MED27: variants seen among roughly 807,000 people sequenced by gnomAD.
MED27 encodes mediator of RNA polymerase II transcription subunit 27.
MED27 carries 30 observed loss-of-function variants against 38.2 expected under a neutral mutation model. The observed-to-expected ratio is 0.79, with a 90% CI of 0.59 to 1.07. The LOEUF is 1.07. Among genes scored for constraint, MED27 ranks in the 50% least tolerant of loss-of-function variants. The pLI is 0.00. For synonymous variants in MED27, 122 were observed against 153.5 expected (o/e 0.79, Z 1.52); for missense variants, 289 against 397.5 (o/e 0.73, Z 2.32).
At chr9:132,037,843 C>A (rs1054623546) in intron 2 of MED27, among the ~76,000 whole-genome samples, 1 of 152,126 alleles carries the variant, frequency 6.6e-6, no homozygotes, top group Non-Finnish European at 1.5e-5. Flanking sequence ...CACAACATGT[C>A]CCGACCCCAG....
Position 131,861,156 on chromosome 9 carries a change from T to G in MED27, c.802-484A>C, listed in dbSNP as rs945370760. ...CTTCTAGCTAATCTGATTTCAGAGG[T>G]TGTCACTCATTGTCACAGTGTGGCC... On this transcript the variant is annotated intron_variant, in intron 7 of 7. Transcript: ENST00000292035. The surrounding 1 kb of genome is among the most constrained non-coding windows in gnomAD (Gnocchi z 4.4). Among the ~76,000 whole-genome samples the G allele has an allele frequency of 6.6e-6, 1 of 151,990 alleles. No homozygotes were observed. The highest frequency in any genetic ancestry group is 2.4e-5 in the African/African-American group (1 of 41,356).
At chr9:132,037,370 G>A (rs1226737156) in intron 2 of MED27, among the ~76,000 whole-genome samples, 1 of 152,186 alleles carries the variant, frequency 6.6e-6, no homozygotes, top group Admixed American at 6.5e-5. Context: ...AGTCGCATAT[G>A]GTGGTTTTCA....
At chr9:132,027,184 T>C (rs551947987) in intron 2 of MED27, among the ~76,000 whole-genome samples, 176 of 152,354 alleles carry the variant, frequency 1.2e-3, no homozygotes, top group Middle Eastern at 6.8e-3. Flanking sequence ...ACTGCTCTTA[T>C]TATCCAGTTA....
At chr9:131,942,680 A>C (rs1232164583) in intron 3 of MED27, among the ~76,000 whole-genome samples, 1 of 152,228 alleles carries the variant, frequency 6.6e-6, no homozygotes, top group East Asian at 1.9e-4. Flanking sequence ...TGAAGGCGTC[A>C]AGATACATTC....
chr9:132,010,921 T>C (rs555605923), intron 3 of MED27, among the ~76,000 whole-genome samples: 1 of 152,266 alleles, frequency 6.6e-6, no homozygotes, highest in South Asian at 2.1e-4. Context: ...TTAGGAGATA[T>C]ACCTAATGTA....
intron 4 of MED27, among the ~76,000 whole-genome samples, chr9:131,907,675 G>A (rs997287484): frequency 1.1e-4 from 17 of 151,792 alleles, no homozygotes; most frequent in Admixed American, 6.6e-4. Flanking sequence ...CTGCCTGGCC[G>A]CCCATCGTCT....
At chr9:132,019,862 T>A (rs1428570289) in intron 2 of MED27, among the ~76,000 whole-genome samples, 6 of 152,186 alleles carry the variant, frequency 3.9e-5, no homozygotes, top group African/African-American at 1.4e-4. Flanking sequence ...CACGTTCCCA[T>A]CACCAGCCTC....
At chr9:132,074,240 T>C (rs1281352370) in intron 2 of MED27, among the ~76,000 whole-genome samples, 1 of 152,214 alleles carries the variant, frequency 6.6e-6, no homozygotes, top group East Asian at 1.9e-4. Flanking sequence ...ATCATTCCAT[T>C]AGATGGGATT....
intron 2 of MED27, among the ~76,000 whole-genome samples, chr9:132,037,582 C>T (rs1833107447): frequency 6.6e-6 from 1 of 152,116 alleles, no homozygotes; most frequent in South Asian, 2.1e-4. Flanking sequence ...AAATCTAAAG[C>T]TTGGATGGTA....
At chr9:131,944,390 C>G (rs1830843141) in intron 3 of MED27, among the ~76,000 whole-genome samples, 2 of 152,290 alleles carry the variant, frequency 1.3e-5, no homozygotes, top group Admixed American at 1.3e-4. Flanking sequence ...TTACTAGTAT[C>G]TGCACCCAAT....
chr9:131,930,744 G>GA (rs1830569806), intron 4 of MED27, among the ~76,000 whole-genome samples: 1 of 152,070 alleles, frequency 6.6e-6, no homozygotes, highest in Admixed American at 6.5e-5. Context: ...ATTGCGCTGT[G>GA]AAAACTACTC....
In MED27 at chr9:131,997,695, G is replaced by A. The variant is rs1019274068; in HGVS notation, c.479+16642C>T. ...ACTACAGCTGAGACATACAGATTCC[G>A]GGTTCTCTGTGCCCAGGTTTGAATT... On this transcript the variant is annotated intron_variant, in intron 3 of 7. Coordinates refer to ENST00000292035, the MANE Select transcript of MED27 (RefSeq NM_004269.4). This position sits in a 1 kb window ranked among gnomAD's most constrained non-coding sequence, Gnocchi z 4.0. 3.3e-5 allele frequency among the ~76,000 whole-genome samples: 5 copies of A among 152,118 alleles called. No individual in the cohort carries two copies. The highest frequency in any genetic ancestry group is 9.7e-5 in the African/African-American group (4 of 41,414).
At chr9:131,921,025 C>T (rs565538625) in intron 4 of MED27, among the ~76,000 whole-genome samples, 4 of 152,200 alleles carry the variant, frequency 2.6e-5, no homozygotes, top group East Asian at 1.9e-4. Context: ...AGAGGGATGG[C>T]GGCATTGCGG....
chr9:131,930,294 T>C (rs1339598119), intron 4 of MED27, among the ~76,000 whole-genome samples: 1 of 152,206 alleles, frequency 6.6e-6, no homozygotes, highest in African/African-American at 2.4e-5. Flanking sequence ...TGAAGTAGAC[T>C]ACCTCAAGGC....
intron 5 of MED27, among the ~76,000 whole-genome samples, chr9:131,885,865 G>C (rs1839130621): frequency 6.6e-6 from 1 of 152,174 alleles, no homozygotes; most frequent in Admixed American, 6.5e-5. Flanking sequence ...CTAAAAAGTT[G>C]ACTTTAATAT....
chr9:131,909,183 G>C (rs1319671105), intron 4 of MED27, among the ~76,000 whole-genome samples: 2 of 152,112 alleles, frequency 1.3e-5, no homozygotes, highest in Non-Finnish European at 2.9e-5. Context: ...TTATTGAGAA[G>C]AAGAAGGGAA....
In MED27 at chr9:131,915,991, C is replaced by T. The variant is rs576896838; in HGVS notation, c.574-21999G>A. 1.7e-4 allele frequency among the ~76,000 whole-genome samples: 26 copies of T among 152,324 alleles called. 1 individual carries two copies. The South Asian group carries it at 5.4e-3, about 32-fold the overall frequency. ...CATGTAGTACAATTAGTTAAATTAA[C>T]TTTTATTAAAATCCAATATAATACA... On this transcript the variant is annotated intron_variant, in intron 4 of 7. Transcript: ENST00000292035.
chr9:131,951,113 G>A (rs1047866844), intron 3 of MED27, among the ~76,000 whole-genome samples: 2 of 152,126 alleles, frequency 1.3e-5, no homozygotes, highest in Non-Finnish European at 2.9e-5. Context: ...GAGGTGCCTC[G>A]GCTGGAGCTC....
At chr9:132,029,841 T>C (rs1832913928) in intron 2 of MED27, among the ~76,000 whole-genome samples, 1 of 143,404 alleles carries the variant, frequency 7.0e-6, no homozygotes, top group Non-Finnish European at 1.5e-5. Context: ...CATTTTGTAT[T>C]ACCCTTGCAA....
Sources: allele counts gnomAD v4.1 joint callset (sites outside exome capture counted in the v4.1 genomes callset), GRCh38; gene constraint gnomAD v4.1.1; non-coding constraint Gnocchi (gnomAD v3.1); transcripts MANE v1.5; gene names NCBI Gene and HGNC (gene_info 2026-07-23, HGNC 2026-07-21).